Variants in NTRK3 observed in about 807,000 individuals in gnomAD.
NTRK3 encodes the protein neurotrophic receptor tyrosine kinase 3, also known as NT-3 growth factor receptor.
NTRK3 carries 24 observed loss-of-function variants against 91.7 expected under a neutral mutation model. The observed-to-expected ratio is 0.26, with a 90% CI of 0.19 to 0.37. The LOEUF (loss-of-function observed/expected upper bound fraction) is 0.37, where lower values mean the gene tolerates loss of function less well. Ranked by LOEUF, NTRK3 falls within the 10% of genes least tolerant of loss-of-function variation. NTRK3 has a pLI of 1.00. For missense variants in NTRK3, 880 were observed against 1,068.9 expected, an observed-to-expected ratio of 0.82 and a Z score of 2.46; for synonymous variants, 483 against 404.0, an observed-to-expected ratio of 1.20 and a Z score of -2.34.
chr15:88,163,199 T>A (rs1203015185), intron 5 of NTRK3, among the ~76,000 whole-genome samples: 1 of 152,186 alleles, frequency 6.6e-6, no homozygotes, highest in African/African-American at 2.4e-5. Flanking sequence ...TAATATCTGG[T>A]AGCAAGCAAT....
At chr15:88,159,893 T>C (rs2044273048) in intron 5 of NTRK3, among the ~76,000 whole-genome samples, 1 of 148,078 alleles carries the variant, frequency 6.8e-6, no homozygotes, top group Non-Finnish European at 1.5e-5. Flanking sequence ...ACCTGCTTCC[T>C]GCACTCAATT....
intron 3 of NTRK3, among the ~76,000 whole-genome samples, chr15:88,249,744 C>T (rs2141997799): frequency 6.6e-6 from 1 of 152,298 alleles, no homozygotes; most frequent in African/African-American, 2.4e-5. Flanking sequence ...CATCAACGAG[C>T]AGCTTCCAAC....
chr15:88,241,940 G>T lies in NTRK3; in HGVS notation c.248+13966C>A, dbSNP rs1001289012. On this transcript the variant is annotated intron_variant, in intron 3 of 18. Transcript: ENST00000394480. The surrounding 1 kb of genome is among the most constrained non-coding windows in gnomAD (Gnocchi z 4.3). ...CCTAGAACGACAATGGAGACCTAGG[G>T]ACAATGGAGACCTCAGGGGTCCTGC... 4.6e-5 allele frequency among the ~76,000 whole-genome samples: 7 copies of T among 152,154 alleles called. No homozygotes were observed. The highest frequency in any genetic ancestry group is 8.8e-5 in the Non-Finnish European group (6 of 68,028).
intron 17 of NTRK3, among the ~76,000 whole-genome samples, chr15:87,908,932 G>A (rs2066928143): frequency 6.6e-6 from 1 of 152,010 alleles, no homozygotes; most frequent in Non-Finnish European, 1.5e-5. Flanking sequence ...CTCCCAGCAG[G>A]AGCCTCCCAG....
At chr15:88,078,234 G>T (rs1364986632) in intron 13 of NTRK3, among the ~76,000 whole-genome samples, 1 of 152,170 alleles carries the variant, frequency 6.6e-6, no homozygotes, top group Admixed American at 6.5e-5. Context: ...GTATGTTCTG[G>T]GGGTAGAGGT....
intron 17 of NTRK3, chr15:87,908,441 GA>G (rs2141712856): frequency 2.5e-6 from 1 of 399,612 alleles, no homozygotes; most frequent in East Asian, 3.6e-5. Context: ...TCTGTGTGTG[GA>G]CTGCCCTGCC....
Position 88,250,013 on chromosome 15 carries a change from TC to T in NTRK3, c.248+5892del, listed in dbSNP as rs1465862609. 2.6e-5 allele frequency among the ~76,000 whole-genome samples: 4 copies of T among 152,278 alleles called. No individual in the cohort carries two copies. In the East Asian group the frequency reaches 7.7e-4, roughly 29 times the overall value. On this transcript the variant is annotated intron_variant, in intron 3 of 18. Transcript: ENST00000394480. Reference sequence around the variant, plus strand: ...AGATGAAAATGCTCTGCACCTTCCTTCCCAACAAGCCAAACCCCAGGGCCTC... The same window carrying T: ...AGATGAAAATGCTCTGCACCTTCCTTCCAACAAGCCAAACCCCAGGGCCTC...
chr15:87,867,341 T>G (rs1474963327), exon 19 of NTRK3: 1 of 227,434 alleles, frequency 4.4e-6, no homozygotes, highest in African/African-American at 2.2e-5. Flanking sequence ...AAGGGTGGGG[T>G]GGGGAGCAGG....
rs2064513636 is a variant in NTRK3, at chr15:87,861,183, A to G, written c.*15752T>C. On this transcript the variant is annotated 3_prime_UTR_variant, in exon 19 of 19. Coordinates refer to ENST00000394480, the Ensembl canonical transcript of NTRK3. ...TGGGAAACACACATGAACACATGGG[A>G]TCAGACAAGATATAATAGCTTTACA... is the stretch of plus-strand genomic sequence containing the variant. 7 of 222,170 alleles carry G rather than the reference A, an allele frequency of 3.2e-5. No individual in the cohort carries two copies. The South Asian group carries it at 1.1e-3, about 35-fold the overall frequency. The allele number at this position is 222,170 out of a possible 1,614,324, so 13.8% of individuals were successfully genotyped here.
chr15:88,244,020 C>A (rs1293039599), intron 3 of NTRK3, among the ~76,000 whole-genome samples: 1 of 152,226 alleles, frequency 6.6e-6, no homozygotes, highest in Admixed American at 6.5e-5. Context: ...CTGGCCTGGA[C>A]AATCCCCACC....
chr15:88,011,260 T>C (rs1053858954), intron 14 of NTRK3, among the ~76,000 whole-genome samples: 1 of 152,150 alleles, frequency 6.6e-6, no homozygotes, highest in Admixed American at 6.5e-5. Flanking sequence ...CTTCTTGCTG[T>C]CTAGAATTCC....
chr15:88,206,671 A>C (rs1486475486), intron 3 of NTRK3, among the ~76,000 whole-genome samples: 1 of 149,618 alleles, frequency 6.7e-6, no homozygotes, highest in Admixed American at 6.7e-5. Flanking sequence ...AAAAAAAAAA[A>C]AAAAAACAAA....
intron 3 of NTRK3, among the ~76,000 whole-genome samples, chr15:88,189,916 T>C (rs1165566366): frequency 6.6e-6 from 1 of 152,168 alleles, no homozygotes; most frequent in Non-Finnish European, 1.5e-5. Flanking sequence ...GTTTCTACCT[T>C]CAATATTTAA....
intron 14 of NTRK3, among the ~76,000 whole-genome samples, chr15:88,015,613 T>C (rs2077180304): frequency 6.6e-6 from 1 of 152,130 alleles, no homozygotes; most frequent in African/African-American, 2.4e-5. Context: ...GTGGCAGGCA[T>C]CTCATTATGC....
chr15:88,029,629 C>A (rs1349091291), intron 14 of NTRK3, among the ~76,000 whole-genome samples: 1 of 152,172 alleles, frequency 6.6e-6, no homozygotes, highest in Non-Finnish European at 1.5e-5. Context: ...AATGAGGAGA[C>A]CCCCTGGGGG....
chr15:88,198,556 G>A (rs541458938), intron 3 of NTRK3, among the ~76,000 whole-genome samples: 2 of 152,238 alleles, frequency 1.3e-5, no homozygotes, highest in East Asian at 3.8e-4. Flanking sequence ...GGCTGCTGAT[G>A]TATGTATGTA....
At chr15:88,134,243 A>T (rs2041660328) in intron 10 of NTRK3, among the ~76,000 whole-genome samples, 1 of 152,324 alleles carries the variant, frequency 6.6e-6, no homozygotes, top group South Asian at 2.1e-4. Flanking sequence ...GGCAAAACTT[A>T]TCAATTGCGG....
chr15:87,934,466 G>C (rs551897100), intron 15 of NTRK3, among the ~76,000 whole-genome samples: 8 of 152,144 alleles, frequency 5.3e-5, no homozygotes, highest in Non-Finnish European at 1.0e-4. Context: ...GATCATGCAA[G>C]TGCCAAAATG....
chr15:88,060,805 T>A (rs575851446), intron 13 of NTRK3, among the ~76,000 whole-genome samples: 1 of 152,274 alleles, frequency 6.6e-6, no homozygotes, highest in African/African-American at 2.4e-5. Flanking sequence ...GGAGGCATAA[T>A]CCAAGTGTAA....
Sources: allele counts gnomAD v4.1 joint callset (sites outside exome capture counted in the v4.1 genomes callset), GRCh38; gene constraint gnomAD v4.1.1; non-coding constraint Gnocchi (gnomAD v3.1); transcripts MANE v1.5; gene names NCBI Gene and HGNC (gene_info 2026-07-23, HGNC 2026-07-21).